Variants in NSG1 observed in about 807,000 individuals in gnomAD.
NSG1 encodes neuronal vesicle trafficking-associated protein 1.
In NSG1, 9 loss-of-function variants were observed where a neutral mutation model predicts 19.3. The observed-to-expected ratio is 0.47, with a 90% CI of 0.28 to 0.81. The LOEUF is 0.81. NSG1 is among the 40% of genes least tolerant of loss of function. NSG1 has a pLI of 0.11. For synonymous variants in NSG1, 104 were observed against 107.0 expected (o/e 0.97, Z 0.17); for missense variants, 236 against 242.4 (o/e 0.97, Z 0.18).
chr4:4,401,339 C>A (rs1184786386), intron 3 of NSG1, among the ~76,000 whole-genome samples: 1 of 152,120 alleles, frequency 6.6e-6, no homozygotes, highest in Non-Finnish European at 1.5e-5. Flanking sequence ...ACACCCGGGA[C>A]CTGTCTGCTT....
intron 3 of NSG1, among the ~76,000 whole-genome samples, chr4:4,406,290 G>A (rs951210591): frequency 2.6e-5 from 4 of 152,210 alleles, no homozygotes; most frequent in African/African-American, 9.7e-5. Flanking sequence ...GCCTCCCAAA[G>A]TGTTGGGATT....
intron 3 of NSG1, among the ~76,000 whole-genome samples, chr4:4,400,088 T>C (rs1370318380): frequency 6.6e-6 from 1 of 152,258 alleles, no homozygotes; most frequent in Admixed American, 6.5e-5. Context: ...TGTTTTCTTC[T>C]AAGAGTTTTA....
intron 3 of NSG1, among the ~76,000 whole-genome samples, chr4:4,391,968 A>G (rs1342025642): frequency 2.0e-5 from 3 of 152,236 alleles, no homozygotes; most frequent in Non-Finnish European, 2.9e-5. Flanking sequence ...CACTGATCAC[A>G]TGCCAGAAAG....
At chr4:4,397,845 G>C (rs1035094890) in intron 3 of NSG1, among the ~76,000 whole-genome samples, 3 of 152,116 alleles carry the variant, frequency 2.0e-5, no homozygotes, top group Admixed American at 2.0e-4. Context: ...CACTCCTCAG[G>C]TCTCCCTTGC....
intron 4 of NSG1, 31 bp from the exon 5 acceptor site, chr4:4,417,204 C>T (rs368906073): frequency 4.0e-5 from 64 of 1,599,854 alleles, no homozygotes; most frequent in South Asian, 7.7e-5. Flanking sequence ...CTTGCACCGA[C>T]GCGTGCTCTC....
intron 4 of NSG1, among the ~76,000 whole-genome samples, chr4:4,411,194 A>G (rs550427719): frequency 7.9e-5 from 12 of 152,364 alleles, no homozygotes; most frequent in Admixed American, 3.3e-4. Context: ...CTCTTTTGTA[A>G]TAACACTTAG....
Position 4,409,459 on chromosome 4 carries a change from T to C in NSG1, c.247-114T>C, listed in dbSNP as rs893439995. 1.2e-5 allele frequency: 9 copies of C among 778,090 alleles called. No homozygotes were observed. The African/African-American group carries it at 1.5e-4, about 13-fold the overall frequency. The allele number at this position is 778,090 out of a possible 1,614,324, so 48.2% of individuals were successfully genotyped here. On this transcript the variant is annotated intron_variant, in intron 3 of 4. Coordinates refer to ENST00000621129, the MANE Select transcript of NSG1 (RefSeq NM_014392.5). The stretch of plus-strand genomic sequence containing the variant: ...GTGCCTAGCTGCCCTTACCAGGTTC[T>C]TCCAGAGATAGTCTCTGCACATGCT...
At position 4,388,365 on chromosome 4, in the gene NSG1, G is replaced by C. The variant is rs183799158; in HGVS notation, c.129+607G>C. 1.3e-3 allele frequency among the ~76,000 whole-genome samples: 195 copies of C among 152,340 alleles called. 1 individual carries two copies. Among genetic ancestry groups the C allele is most frequent in the African/African-American group, 4.4e-3 (184 of 41,576 alleles). ...AAGTGCCCGGGCTCGCTCAGTATTG[G>C]TGTCACTGGGAAAAACCATTCATCA... On this transcript the variant is annotated intron_variant, in intron 2 of 4. Coordinates refer to ENST00000621129, the MANE Select transcript of NSG1 (RefSeq NM_014392.5).
intron 3 of NSG1, among the ~76,000 whole-genome samples, chr4:4,402,862 A>G (rs1723642835): frequency 6.6e-6 from 1 of 152,260 alleles, no homozygotes; most frequent in Non-Finnish European, 1.5e-5. Context: ...GAAGCCAGGC[A>G]TGGGAATCAG....
chr4:4,415,979 G>A (rs1724508912), intron 4 of NSG1: 1 of 648,090 alleles, frequency 1.5e-6, no homozygotes, highest in Non-Finnish European at 2.8e-6. Flanking sequence ...ACGTCCTGGT[G>A]GGACTGAGAT....
In NSG1 at chr4:4,403,965, G is replaced by A. The variant is rs551974127; in HGVS notation, c.247-5608G>A. On this transcript the variant is annotated intron_variant, in intron 3 of 4. Transcript: ENST00000621129. The stretch of plus-strand genomic sequence containing the variant: ...GTTTATCCCCTTGCTTCCAGCTTAG[G>A]CTACATGCGGGAGGCATCTGGAGAG... Among the ~76,000 whole-genome samples, 4 of 152,318 alleles carry A rather than the reference G, an allele frequency of 2.6e-5. No individual in the cohort carries two copies. In the South Asian group the frequency reaches 8.3e-4, roughly 32 times the overall value.
chr4:4,413,292 G>A (rs540361233), intron 4 of NSG1, among the ~76,000 whole-genome samples: 2 of 151,946 alleles, frequency 1.3e-5, no homozygotes, highest in African/African-American at 4.8e-5. Context: ...CTAGAAGGAT[G>A]GTCCACATTG....
At chr4:4,413,195 G>A (rs1209561290) in intron 4 of NSG1, among the ~76,000 whole-genome samples, 1 of 152,038 alleles carries the variant, frequency 6.6e-6, no homozygotes, top group Non-Finnish European at 1.5e-5. Context: ...GAACGGTGAG[G>A]AAGTCAGTCG....
chr4:4,397,586 A>T (rs867654489), intron 3 of NSG1, among the ~76,000 whole-genome samples: 1 of 152,308 alleles, frequency 6.6e-6, no homozygotes, highest in Middle Eastern at 3.4e-3. Flanking sequence ...CCAGACGGTG[A>T]GCGTTCCCAG....
chr4:4,398,117 G>T (rs1297348756), intron 3 of NSG1, among the ~76,000 whole-genome samples: 1 of 152,010 alleles, frequency 6.6e-6, no homozygotes, highest in Non-Finnish European at 1.5e-5. Flanking sequence ...ACCATGCCCG[G>T]CTAATTTTTG....
chr4:4,387,554 C>G, intron 1 of NSG1, 50 bp from the exon 2 acceptor site: 1 of 707,394 alleles, frequency 1.4e-6, no homozygotes, highest in Non-Finnish European at 2.3e-6. Context: ...TCCCCCCCGC[C>G]CCGCCCCGGG....
At chr4:4,406,142 C>G (rs1026099628) in intron 3 of NSG1, among the ~76,000 whole-genome samples, 8 of 152,196 alleles carry the variant, frequency 5.3e-5, no homozygotes, top group African/African-American at 1.7e-4. Context: ...ATTCTCCTGC[C>G]TCAGCCTCCT....
intron 3 of NSG1, among the ~76,000 whole-genome samples, chr4:4,402,577 G>A (rs1006866931): frequency 4.6e-5 from 7 of 151,448 alleles, no homozygotes; most frequent in African/African-American, 1.5e-4. Context: ...TAGTAGAGAC[G>A]GGGTTTCACC....
intron 3 of NSG1, among the ~76,000 whole-genome samples, chr4:4,408,005 T>C (rs1405332635): frequency 1.3e-5 from 2 of 152,094 alleles, no homozygotes; most frequent in Admixed American, 6.5e-5. Flanking sequence ...GCACGGCTGA[T>C]AGGACACTTT....
Sources: gnomAD v4.1 joint callset for allele counts (sites outside exome capture counted in the v4.1 genomes callset) on GRCh38, gnomAD v4.1.1 for gene constraint, MANE v1.5 for transcripts, NCBI Gene and HGNC (gene_info 2026-07-23, HGNC 2026-07-21) for gene names.